SERPINI2: variants seen among roughly 807,000 people sequenced by gnomAD.
SERPINI2 encodes the protein serpin I2.
Under a neutral mutation model 47.3 loss-of-function variants are expected in SERPINI2, and 48 were observed. That is an observed-to-expected ratio of 1.02 (90% CI 0.81 to 1.29). SERPINI2 has a LOEUF of 1.29. SERPINI2 is among the 50% of genes most tolerant of loss of function. The pLI is 0.00. For missense variants in SERPINI2, 448 were observed against 456.9 expected (o/e 0.98, Z 0.18); for synonymous variants, 135 against 149.3 (o/e 0.90, Z 0.70).
At position 167,452,797 on chromosome 3, in the gene SERPINI2, C is replaced by T. The variant is rs574473907; in HGVS notation, c.964+139G>A. On this transcript the variant is annotated intron_variant, in intron 6 of 8. Coordinates refer to ENST00000264677, the Ensembl canonical transcript of SERPINI2. ...ACATAAAGTGCTTGTTTACAGACAGCTCAACATGACTATGACATTTATTCA... is the reference window on the plus strand; with the variant it reads ...ACATAAAGTGCTTGTTTACAGACAGTTCAACATGACTATGACATTTATTCA... 5.5e-5 allele frequency: 27 copies of T among 490,514 alleles called. 1 individual carries two copies. In the South Asian group the frequency reaches 1.2e-3, roughly 21 times the overall value. 30.4% of individuals were successfully genotyped at this position (490,514 alleles called of 1,614,324 possible). A position where few individuals can be genotyped will look rare whatever the true frequency, so the allele number is the denominator to read the frequency against.
intron 6 of SERPINI2, among the ~76,000 whole-genome samples, chr3:167,450,416 C>T (rs1325265112): frequency 6.6e-6 from 1 of 152,074 alleles, no homozygotes; most frequent in Non-Finnish European, 1.5e-5. Flanking sequence ...AAGTGAAACC[C>T]GGAGCCCAGA....
intron 7 of SERPINI2, among the ~76,000 whole-genome samples, chr3:167,448,659 A>G (rs924277747): frequency 6.6e-6 from 1 of 152,120 alleles, no homozygotes; most frequent in Non-Finnish European, 1.5e-5. Context: ...AGTAGCTGGG[A>G]CTACAGGCAT....
At chr3:167,452,828 C>T (rs1056113192) in intron 6 of SERPINI2, 108 bp downstream of exon 6, 18 of 611,826 alleles carry the variant, frequency 2.9e-5, no homozygotes, top group Middle Eastern at 3.2e-4. Context: ...ATTCACTGTG[C>T]GTATATTTAT....
chr3:167,473,855 G>A (rs1026959762), intron 1 of SERPINI2, 148 bp downstream of exon 1: 1 of 1,272,304 alleles, frequency 7.9e-7, no homozygotes, highest in Non-Finnish European at 1.0e-6. Context: ...CATTTAAGGA[G>A]AATAAAAGCG....
intron 8 of SERPINI2, among the ~76,000 whole-genome samples, chr3:167,444,556 T>A (rs1351043292): frequency 6.6e-6 from 1 of 152,190 alleles, no homozygotes; most frequent in Non-Finnish European, 1.5e-5. Flanking sequence ...ATCTCAATGA[T>A]TTCTTGAGTT....
At chr3:167,448,826 G>C (rs2108152765) in intron 7 of SERPINI2, among the ~76,000 whole-genome samples, 1 of 152,242 alleles carries the variant, frequency 6.6e-6, no homozygotes, top group African/African-American at 2.4e-5. Context: ...CCGGTTGACT[G>C]GGCATAGGAG....
At chr3:167,464,426 C>A (rs1180556113) in intron 5 of SERPINI2, among the ~76,000 whole-genome samples, 1 of 152,058 alleles carries the variant, frequency 6.6e-6, no homozygotes, top group African/African-American at 2.4e-5. Context: ...ACTGAAATAA[C>A]TAATGACTAG....
rs199582993 is a variant in SERPINI2, at chr3:167,449,481, CATTTATTT to C, written c.965-87_965-80del. ...TTACCTATTAGATCTCAATTAATTA[CATTTATTT>C]ATTTATTTATTTATTTATTTTTTGA... is the stretch of plus-strand genomic sequence containing the variant. On this transcript the variant is annotated intron_variant, in intron 6 of 8. Transcript: ENST00000264677. The C allele has an allele frequency of 8.3e-5, 55 of 665,212 alleles. 1 individual carries two copies. The highest frequency in any genetic ancestry group is 1.1e-4 in the African/African-American group (6 of 52,428). 41.2% of individuals were successfully genotyped at this position (665,212 alleles called of 1,614,324 possible).
chr3:167,446,518 A>G, intron 7 of SERPINI2, 37 bp from the exon 8 acceptor site: 6 of 1,296,020 alleles, frequency 4.6e-6, no homozygotes, highest in Non-Finnish European at 6.6e-6. Context: ...AGATACTTGC[A>G]TTAAAAGATC....
upstream of SERPINI2, among the ~76,000 whole-genome samples, chr3:167,475,802 A>G (rs574355546): frequency 3.3e-5 from 5 of 151,682 alleles, no homozygotes; most frequent in Middle Eastern, 3.4e-3. Flanking sequence ...GTCCGACTGT[A>G]AAGTATAAGC....
intron 5 of SERPINI2, among the ~76,000 whole-genome samples, chr3:167,463,593 G>T (rs1375556689): frequency 6.6e-6 from 1 of 152,142 alleles, no homozygotes. Flanking sequence ...CAGAAAAAAA[G>T]GGATGGTTAA....
exon 5 of SERPINI2, chr3:167,465,383 G>A (rs1263798919): frequency 8.7e-6 from 14 of 1,601,974 alleles, no homozygotes; most frequent in Non-Finnish European, 1.2e-5. Flanking sequence ...GTTCAGGGAA[G>A]ATTCAGAAAA....
rs114993564 is a variant in SERPINI2, at chr3:167,467,294, T to C, written c.248-9A>G. 0.014 allele frequency: 22,154 copies of C among 1,579,104 alleles called. 237 individuals carry two copies. The highest frequency in any genetic ancestry group is 0.016 in the Non-Finnish European group (18,164 of 1,153,340). On this transcript the variant is annotated splice_polypyrimidine_tract_variant and intron_variant, in intron 2 of 8. Coordinates refer to ENST00000264677, the Ensembl canonical transcript of SERPINI2. ...TACAAAAAATTCTTCCCCTAGAAAA[T>C]AATTTTAATGTATATTGGCATATTG...
In SERPINI2 at chr3:167,460,093, G is replaced by A. The variant is rs117936208; in HGVS notation, c.866+5113C>T. Among the ~76,000 whole-genome samples the A allele has an allele frequency of 1.3e-3, 203 of 152,310 alleles. 5 individuals carry two copies. In the East Asian group the frequency reaches 0.03, roughly 23 times the overall value. ...GATTTTGACATTTAGCCTCCAGACT[G>A]TGAGAGAATCAATTTCTGTTGTTCT... On this transcript the variant is annotated intron_variant, in intron 5 of 8. Transcript: ENST00000264677.
chr3:167,475,545 G>A (rs1183351258), upstream of SERPINI2, among the ~76,000 whole-genome samples: 2 of 151,712 alleles, frequency 1.3e-5, no homozygotes, highest in African/African-American at 4.8e-5. Context: ...CAGGCAGAAT[G>A]TTCATTTTCC....
intron 6 of SERPINI2, 29 bp from the exon 7 acceptor site, chr3:167,449,431 A>T (rs771896926): frequency 1.4e-6 from 2 of 1,409,336 alleles, no homozygotes; most frequent in Non-Finnish European, 2.0e-6. Context: ...ACAAAAGTGT[A>T]TTTAAGAGTT....
At chr3:167,474,527 G>T (rs965994738), upstream of SERPINI2, among the ~76,000 whole-genome samples, 1 of 151,752 alleles carries the variant, frequency 6.6e-6, no homozygotes, top group South Asian at 2.1e-4. Context: ...ATAGTCAGAG[G>T]AGTTTCCTGT....
Position 167,459,741 on chromosome 3 carries a change from T to C in SERPINI2, c.866+5465A>G, listed in dbSNP as rs545709304. Among the ~76,000 whole-genome samples the C allele has an allele frequency of 2.1e-3, 322 of 151,436 alleles. 2 individuals are homozygous for C. Among genetic ancestry groups the C allele is most frequent in the African/African-American group, 7.4e-3 (304 of 41,282 alleles). On this transcript the variant is annotated intron_variant, in intron 5 of 8. Coordinates refer to ENST00000264677, the Ensembl canonical transcript of SERPINI2. ...ACCAAAGAGATATTTTACAACAATA[T>C]AGAATTTATTACAGTTGGTGTTATG... is the stretch of plus-strand genomic sequence containing the variant.
At chr3:167,442,401 C>T (rs12492060) in intron 8 of SERPINI2, among the ~76,000 whole-genome samples, 13,562 of 152,028 alleles carry the variant, frequency 0.089, 631 homozygotes, top group Non-Finnish European at 0.11. Flanking sequence ...AATTAACACC[C>T]ACTACAGCTT....
Sources: allele counts gnomAD v4.1 joint callset (sites outside exome capture counted in the v4.1 genomes callset), GRCh38; gene constraint gnomAD v4.1.1; transcripts MANE v1.5; gene names NCBI Gene and HGNC (gene_info 2026-07-23, HGNC 2026-07-21).